The following SYNJ2 variants were observed in gnomAD, a reference collection of about 807,000 sequenced individuals.
SYNJ2 encodes synaptojanin 2.
Under a neutral mutation model 141.3 loss-of-function variants are expected in SYNJ2, and 116 were observed. The observed-to-expected ratio is 0.82, with a 90% CI of 0.71 to 0.96. SYNJ2 has a LOEUF of 0.96. Among genes scored for constraint, SYNJ2 ranks in the 40% least tolerant of loss-of-function variants. The pLI is 0.00. For missense variants in SYNJ2, 1,873 were observed against 1,934.8 expected (o/e 0.97, Z 0.60); for synonymous variants, 745 against 777.7 (o/e 0.96, Z 0.70).
At chr6:158,074,126 T>C (rs1782118283) in intron 15 of SYNJ2, among the ~76,000 whole-genome samples, 1 of 151,916 alleles carries the variant, frequency 6.6e-6, no homozygotes, top group African/African-American at 2.4e-5. Flanking sequence ...TAGAGAGAGA[T>C]GGAGAAGGGT....
chr6:157,992,254 A>G (rs1015192732), intron 1 of SYNJ2, among the ~76,000 whole-genome samples: 1 of 150,580 alleles, frequency 6.6e-6, no homozygotes, highest in Non-Finnish European at 1.5e-5. Context: ...AACCATCCCC[A>G]CCTCCTCCCT....
At chr6:158,033,163 C>G (rs573212868) in intron 3 of SYNJ2, among the ~76,000 whole-genome samples, 2 of 152,352 alleles carry the variant, frequency 1.3e-5, no homozygotes, top group African/African-American at 4.8e-5. Context: ...CACTCTCCAG[C>G]TTTGCTTCCA....
In SYNJ2 at chr6:157,982,008, A is replaced by T; in HGVS notation, c.47A>T (p.Glu16Val). ...CGGCTGCTGGGGCGCCTGGGGGCCG[A>T]GGGGGACTGTAGCGTGCTGCTGGAG... ...GLRLLGRLGA[E>V]GDCSVLLEAR... is the part of the protein sequence containing the mutation. Residue 16 changes from glutamate (E) to valine (V), a missense_variant, in exon 1 of 27, where the codon GAG (glutamate) becomes GTG (valine). Physicochemically the swap from Glu to Val is moderately radical, Grantham distance 121 (BLOSUM62 -2). Transcript: ENST00000355585. This position sits in a 1 kb window ranked among gnomAD's most constrained non-coding sequence, Gnocchi z 4.0. 1 of 1,294,968 alleles carries T rather than the reference A, an allele frequency of 7.7e-7. No homozygotes were observed. The highest frequency in any genetic ancestry group is 9.8e-7 in the Non-Finnish European group (1 of 1,023,558). 80.2% of individuals were successfully genotyped at this position (1,294,968 alleles called of 1,614,324 possible).
chr6:158,029,098 G>C, intron 3 of SYNJ2, 72 bp downstream of exon 3: 1 of 693,236 alleles, frequency 1.4e-6, no homozygotes, highest in Admixed American at 3.4e-5. Flanking sequence ...GTTGGCATCT[G>C]AGGCCTTGAC....
At position 158,084,822 on chromosome 6, in the gene SYNJ2, C is replaced by T. The variant is rs6902016; in HGVS notation, c.3208+648C>T. On this transcript the variant is annotated intron_variant, in intron 22 of 26. Coordinates refer to ENST00000355585, the MANE Select transcript of SYNJ2 (RefSeq NM_003898.4). The surrounding 1 kb of genome is among the most constrained non-coding windows in gnomAD (Gnocchi z 5.0). ...GTGAGATTCCGTCTCAAAACAACAA[C>T]AACAAAAAAACTTCTGATTCAATCC... is the stretch of plus-strand genomic sequence containing the variant. 0.52 allele frequency among the ~76,000 whole-genome samples: 79,220 copies of T among 151,308 alleles called. 20,959 individuals carry two copies. The highest frequency in any genetic ancestry group is 0.59 in the African/African-American group (24,451 of 41,234).
At chr6:158,016,147 T>C (rs1307622024) in intron 1 of SYNJ2, among the ~76,000 whole-genome samples, 1 of 152,200 alleles carries the variant, frequency 6.6e-6, no homozygotes, top group African/African-American at 2.4e-5. Context: ...AGAGTCTCAC[T>C]CTGTCACCCA....
rs112195987 is a variant in SYNJ2 at position 158,066,696 on chromosome 6, T to A, written c.1717+61T>A. 1.9e-6 allele frequency: 3 copies of A among 1,568,792 alleles called. No individual in the cohort carries two copies. The South Asian group carries it at 3.4e-5, about 18-fold the overall frequency. ...TTGCACCTAACCTGACATGTCACGCTTGACCCTTTAGTGGCCATCGTCTTG... is the reference window on the plus strand; with the variant it reads ...TTGCACCTAACCTGACATGTCACGCATGACCCTTTAGTGGCCATCGTCTTG... On this transcript the variant is annotated intron_variant, in intron 12 of 26. Coordinates refer to ENST00000355585, the MANE Select transcript of SYNJ2 (RefSeq NM_003898.4).
chr6:158,010,337 G>A (rs1778217958), intron 1 of SYNJ2, among the ~76,000 whole-genome samples: 1 of 152,222 alleles, frequency 6.6e-6, no homozygotes, highest in South Asian at 2.1e-4. Flanking sequence ...GTTGTTTGGG[G>A]GCAAGTAGGG....
At position 158,028,975 on chromosome 6, in the gene SYNJ2, G is replaced by A. The variant is rs200841167; in HGVS notation, c.434G>A (p.Arg145His). The A allele has an allele frequency of 1.3e-4, 216 of 1,613,588 alleles. No individual in the cohort carries two copies. Among genetic ancestry groups the A allele is most frequent in the Middle Eastern group, 3.3e-4 (2 of 6,082 alleles). The change falls in exon 3 of 27, where the codon CGC becomes CAC. Residue 145 changes from arginine (R) to histidine (H), a missense_variant. By Grantham distance (29) the Arg-to-His change is conservative (BLOSUM62 0). Coordinates refer to ENST00000355585, the MANE Select transcript of SYNJ2 (RefSeq NM_003898.4). ...GGGTCTCGCTTTGACCTGACTGTCC[G>A]CACGCAGAAGCAGGGGGATGACAGC... Reference protein sequence around the residue: ...NDGSRFDLTVRTQKQGDDSSE... With the variant: ...NDGSRFDLTVHTQKQGDDSSE...
At chr6:158,077,894 G>A (rs1191367272) in intron 17 of SYNJ2, 1 of 243,362 alleles carries the variant, frequency 4.1e-6, no homozygotes, top group East Asian at 1.0e-4. Context: ...AAACCCGGCA[G>A]CAACACTGTG....
intron 6 of SYNJ2, among the ~76,000 whole-genome samples, chr6:158,058,390 T>C (rs1467647316): frequency 1.3e-5 from 2 of 152,244 alleles, no homozygotes; most frequent in Non-Finnish European, 2.9e-5. Flanking sequence ...AGAATAAATA[T>C]TGGAATCTCT....
At chr6:158,067,484 G>T (rs1200943759) in intron 12 of SYNJ2, 1 of 985,338 alleles carries the variant, frequency 1.0e-6, no homozygotes, top group East Asian at 1.1e-4. Flanking sequence ...ATACACTATT[G>T]AATGGCCCCA....
intron 1 of SYNJ2, among the ~76,000 whole-genome samples, chr6:157,998,578 A>G (rs1777720703): frequency 2.6e-5 from 4 of 152,218 alleles, no homozygotes. Flanking sequence ...ATGGACACTA[A>G]GTGAGAGTCC....
chr6:158,096,049 C>G lies in SYNJ2; in HGVS notation c.4176C>G (p.Pro1392=). ...DFLSTSSATS[P]DSDGTKAMKP... ...TCAGCACTTCATCTGCTACAAGCCC[C>G]GACAGCGATGGCACCAAAGCGATGA... The change falls in exon 27 of 27, where the codon CCC becomes CCG. Residue 1392 remains proline (P), a synonymous_variant. Coordinates refer to ENST00000355585, the MANE Select transcript of SYNJ2 (RefSeq NM_003898.4). 1 of 1,614,240 alleles carries G rather than the reference C, an allele frequency of 6.2e-7. No individual in the cohort carries two copies. The highest frequency in any genetic ancestry group is 8.5e-7 in the Non-Finnish European group (1 of 1,180,036).
intron 1 of SYNJ2, among the ~76,000 whole-genome samples, chr6:157,990,023 A>G (rs911706943): frequency 1.3e-5 from 2 of 152,186 alleles, no homozygotes; most frequent in Non-Finnish European, 1.5e-5. Context: ...AGGAGGCTAG[A>G]TGCCCCGGCC....
intron 1 of SYNJ2, among the ~76,000 whole-genome samples, chr6:157,998,871 GGA>G (rs929736084): frequency 6.6e-6 from 1 of 152,336 alleles, no homozygotes; most frequent in African/African-American, 2.4e-5. Context: ...ACGCAGATCT[GGA>G]GAGAGAACGT....
In SYNJ2 at chr6:158,027,273, C is replaced by A; in HGVS notation, c.215-1483C>A. On this transcript the variant is annotated intron_variant, in intron 2 of 26. Transcript: ENST00000355585. This position sits in a 1 kb window ranked among gnomAD's most constrained non-coding sequence, Gnocchi z 4.6. ...CCAGACCATGGCTGTAGACAGCGGCCCTTGATCATTCACAGAAGATCTCGC... is the reference window on the plus strand; with the variant it reads ...CCAGACCATGGCTGTAGACAGCGGCACTTGATCATTCACAGAAGATCTCGC... The A allele has an allele frequency of 1.1e-6, 1 of 896,046 alleles. No individual in the cohort carries two copies. Among genetic ancestry groups the A allele is most frequent in the Non-Finnish European group, 1.3e-6 (1 of 748,680 alleles). The allele number at this position is 896,046 out of a possible 1,614,324, so 55.5% of individuals were successfully genotyped here. A position where few individuals can be genotyped will look rare whatever the true frequency, so the allele number is the denominator to read the frequency against.
Position 158,096,604 on chromosome 6 carries a change from T to G in SYNJ2, c.*240T>G, listed in dbSNP as rs548349013. ...TTTGCTCTTCAAGGAATGGGAACCT[T>G]CCTGTTAAATTCGGTGTATGGATTT... On this transcript the variant is annotated 3_prime_UTR_variant, in exon 27 of 27. Transcript: ENST00000355585. 1.8e-5 allele frequency: 7 copies of G among 397,720 alleles called. No individual in the cohort carries two copies. The highest frequency in any genetic ancestry group is 1.0e-4 in the African/African-American group (5 of 48,686). 24.6% of individuals were successfully genotyped at this position (397,720 alleles called of 1,614,324 possible). A position where few individuals can be genotyped will look rare whatever the true frequency, so the allele number is the denominator to read the frequency against.
intron 20 of SYNJ2, 48 bp downstream of exon 20, chr6:158,081,558 C>T (rs173263): frequency 3.5e-6 from 5 of 1,446,406 alleles, no homozygotes; most frequent in Admixed American, 1.7e-5. Context: ...ATCAATCCCT[C>T]TTTTTATGTG....
Sources: gnomAD v4.1 joint callset for allele counts (sites outside exome capture counted in the v4.1 genomes callset) on GRCh38, gnomAD v4.1.1 for gene constraint, Gnocchi (gnomAD v3.1) non-coding constraint, MANE v1.5 for transcripts, NCBI Gene and HGNC (gene_info 2026-07-23, HGNC 2026-07-21) for gene names.